CCSER1: variants seen among roughly 807,000 people sequenced by gnomAD.
CCSER1 encodes serine-rich coiled-coil domain-containing protein 1.
Under a neutral mutation model 82.0 loss-of-function variants are expected in CCSER1, and 41 were observed. That is an observed-to-expected ratio of 0.50 (90% CI 0.39 to 0.65). The LOEUF is 0.65. Among genes scored for constraint, CCSER1 ranks in the 30% least tolerant of loss-of-function variants. CCSER1 has a pLI of 0.00. For missense variants in CCSER1, 1,119 were observed against 1,064.2 expected, an observed-to-expected ratio of 1.05 and a Z score of -0.72; for synonymous variants, 414 against 383.9, an observed-to-expected ratio of 1.08 and a Z score of -0.92.
chr4:91,217,187 GC>G (rs1737313060), intron 10 of CCSER1, among the ~76,000 whole-genome samples: 3 of 152,276 alleles, frequency 2.0e-5, no homozygotes, highest in African/African-American at 7.2e-5. Context: ...GTAAGCAGTA[GC>G]AAGAGGGAAA....
At chr4:90,493,378 G>A (rs778182957) in intron 5 of CCSER1, among the ~76,000 whole-genome samples, 3 of 152,122 alleles carry the variant, frequency 2.0e-5, no homozygotes, top group Non-Finnish European at 4.4e-5. Flanking sequence ...AGCCTAGAAA[G>A]GCAGGCCAAC....
chr4:90,985,165 C>T (rs1736477882), intron 9 of CCSER1, among the ~76,000 whole-genome samples: 1 of 151,586 alleles, frequency 6.6e-6, no homozygotes, highest in Non-Finnish European at 1.5e-5. Context: ...CATAAATTAT[C>T]TGTTAATAAG....
intron 10 of CCSER1, among the ~76,000 whole-genome samples, chr4:91,359,242 T>A (rs76926697): frequency 0.08 from 12,143 of 151,858 alleles, 1,695 homozygotes; most frequent in African/African-American, 0.28. Flanking sequence ...ATGTCTGTAA[T>A]CTATGAATAA....
chr4:90,395,665 T>C (rs77385678), intron 3 of CCSER1, among the ~76,000 whole-genome samples: 1 of 151,012 alleles, frequency 6.6e-6, no homozygotes, highest in African/African-American at 2.4e-5. Flanking sequence ...CTTATGTCTT[T>C]TTTTTTTTTT....
chr4:90,627,174 C>T (rs1216954347), intron 5 of CCSER1, among the ~76,000 whole-genome samples: 1 of 151,958 alleles, frequency 6.6e-6, no homozygotes, highest in African/African-American at 2.4e-5. Context: ...CTGAACATAT[C>T]TGTGAAGATA....
In CCSER1 at chr4:90,388,444, G is replaced by A. The variant is rs996099679; in HGVS notation, c.1510-11592G>A. ...CCTGCCTCAGCCTCCTGAGTAGCTG[G>A]TATTACAGGTGCCTGACACTGTGCC... On this transcript the variant is annotated intron_variant, in intron 3 of 10. Coordinates refer to ENST00000509176, the MANE Select transcript of CCSER1 (RefSeq NM_001145065.2). 4.0e-5 allele frequency among the ~76,000 whole-genome samples: 6 copies of A among 151,890 alleles called. 1 individual carries two copies. The highest frequency in any genetic ancestry group is 3.3e-4 in the Admixed American group (5 of 15,234).
intron 5 of CCSER1, among the ~76,000 whole-genome samples, chr4:90,487,822 A>G (rs975102060): frequency 1.3e-5 from 2 of 152,122 alleles, no homozygotes; most frequent in Non-Finnish European, 2.9e-5. Flanking sequence ...TTGTATTTTT[A>G]GTAGAGATGG....
At chr4:90,329,819 TC>T (rs1738945598) in intron 3 of CCSER1, among the ~76,000 whole-genome samples, 2 of 152,170 alleles carry the variant, frequency 1.3e-5, no homozygotes, top group South Asian at 4.1e-4. Context: ...AAGACAGGTG[TC>T]TTGGCTATTT....
At chr4:91,498,198 A>G (rs79999571) in intron 10 of CCSER1, among the ~76,000 whole-genome samples, 11,666 of 152,088 alleles carry the variant, frequency 0.077, 706 homozygotes, top group East Asian at 0.26. Context: ...CTGCTGCAAA[A>G]TAAAGGTTGA....
At position 91,077,407 on chromosome 4, in the gene CCSER1, A is replaced by C. The variant is rs527541537; in HGVS notation, c.2173-8543A>C. On this transcript the variant is annotated intron_variant, in intron 9 of 10. Coordinates refer to ENST00000509176, the MANE Select transcript of CCSER1 (RefSeq NM_001145065.2). ...AATTTATAATATCTGGCAACCAATA[A>C]AAAATTACTGGACATGAGAAAAAAT... Among the ~76,000 whole-genome samples the C allele has an allele frequency of 5.3e-5, 8 of 152,358 alleles. No individual in the cohort carries two copies. In the South Asian group the frequency reaches 1.7e-3, roughly 32 times the overall value.
chr4:91,384,483 T>TTA (rs1560629995), intron 10 of CCSER1, among the ~76,000 whole-genome samples: 1 of 151,784 alleles, frequency 6.6e-6, no homozygotes, highest in African/African-American at 2.4e-5. Context: ...TCTTTTTTTT[T>TTA]AAAAAAATAA....
At chr4:90,946,447 G>A (rs1007192958) in intron 9 of CCSER1, among the ~76,000 whole-genome samples, 2 of 151,998 alleles carry the variant, frequency 1.3e-5, no homozygotes, top group Non-Finnish European at 2.9e-5. Flanking sequence ...CCTGGCCAAC[G>A]TGGTGAAAAC....
At chr4:91,340,739 C>A (rs887549847) in intron 10 of CCSER1, among the ~76,000 whole-genome samples, 3 of 152,022 alleles carry the variant, frequency 2.0e-5, no homozygotes, top group Admixed American at 1.3e-4. Flanking sequence ...GTTTGGACTT[C>A]TTTTTGTGAT....
At chr4:90,842,573 T>A (rs2149881252) in intron 8 of CCSER1, among the ~76,000 whole-genome samples, 1 of 152,258 alleles carries the variant, frequency 6.6e-6, no homozygotes, top group Admixed American at 6.5e-5. Context: ...TGGGTTTGGA[T>A]GTGCAGAAAA....
At chr4:90,817,512 T>C (rs540517742) in intron 8 of CCSER1, among the ~76,000 whole-genome samples, 3 of 152,240 alleles carry the variant, frequency 2.0e-5, no homozygotes, top group African/African-American at 7.2e-5. Context: ...TTTTCTTTTC[T>C]TTATACTTGA....
intron 10 of CCSER1, among the ~76,000 whole-genome samples, chr4:91,285,870 G>A (rs946788287): frequency 6.6e-5 from 10 of 151,750 alleles, no homozygotes; most frequent in African/African-American, 2.4e-4. Context: ...ATACACAAAT[G>A]TTAGAATATT....
chr4:90,359,662 A>G (rs747272193), intron 3 of CCSER1, among the ~76,000 whole-genome samples: 2 of 151,908 alleles, frequency 1.3e-5, no homozygotes, highest in Admixed American at 6.6e-5. Flanking sequence ...GCTTAAAACC[A>G]GGAGGTGGAG....
chr4:91,133,446 TG>T (rs1226891216), intron 10 of CCSER1, among the ~76,000 whole-genome samples: 7 of 152,186 alleles, frequency 4.6e-5, no homozygotes, highest in Non-Finnish European at 1.0e-4. Flanking sequence ...TTTACCATAA[TG>T]GGCATCTGAT....
At chr4:91,398,058 A>C (rs1752095946) in intron 10 of CCSER1, among the ~76,000 whole-genome samples, 1 of 152,000 alleles carries the variant, frequency 6.6e-6, no homozygotes, top group South Asian at 2.1e-4. Flanking sequence ...GCAATGAGTA[A>C]TTATTTTTTT....
Sources: allele counts gnomAD v4.1 joint callset (sites outside exome capture counted in the v4.1 genomes callset), GRCh38; gene constraint gnomAD v4.1.1; transcripts MANE v1.5; gene names NCBI Gene and HGNC (gene_info 2026-07-23, HGNC 2026-07-21).